SAXO5: variants seen among roughly 807,000 people sequenced by gnomAD.
The protein encoded by SAXO5 is testis expressed 45.
chr19:7,506,038 G>C, the SAXO5 span: 3 of 1,613,656 alleles, frequency 1.9e-6, no homozygotes, highest in Admixed American at 3.3e-5. Context: ...CCCTAGGGGA[G>C]CCAAAGCTAC....
At chr19:7,502,664 C>G in the SAXO5 span, among the ~76,000 whole-genome samples, 1 of 152,116 alleles carries the variant, frequency 6.6e-6, no homozygotes, top group South Asian at 2.1e-4. Flanking sequence ...CAGCTAAGTT[C>G]CCCAGCTGTA....
the SAXO5 span, among the ~76,000 whole-genome samples, chr19:7,503,414 A>G: frequency 6.6e-6 from 1 of 152,020 alleles, no homozygotes; most frequent in South Asian, 2.1e-4. Flanking sequence ...CTGGAAAAAG[A>G]TGCAATGCAC....
chr19:7,501,267 C>A, the SAXO5 span: 7 of 1,570,890 alleles, frequency 4.5e-6, no homozygotes, highest in Non-Finnish European at 6.0e-6. Context: ...CCGCGGCGCG[C>A]GCCTCATCTT....
the SAXO5 span, among the ~76,000 whole-genome samples, chr19:7,499,183 G>A: frequency 6.6e-6 from 1 of 151,828 alleles, no homozygotes; most frequent in Non-Finnish European, 1.5e-5. Flanking sequence ...ATGGTGGCAG[G>A]TACCTGTTAT....
At chr19:7,507,194 TAG>T in the SAXO5 span, 195 of 1,468,194 alleles carry the variant, frequency 1.3e-4, 1 homozygote, top group Non-Finnish European at 1.7e-4. Context: ...CACATTGGTG[TAG>T]AGTTATCTCA....
At chr19:7,506,248 C>CG in the SAXO5 span, 1,612 of 615,246 alleles carry the variant, frequency 2.6e-3, 2 homozygotes, top group Non-Finnish European at 3.4e-3. Context: ...CATGGAGCCC[C>CG]TCCCCATGGA....
the SAXO5 span, chr19:7,507,245 C>T: frequency 2.0e-6 from 2 of 1,017,778 alleles, no homozygotes; most frequent in Non-Finnish European, 1.5e-6. Context: ...AGTTAGTGAT[C>T]ACCCAGGCTC....
chr19:7,504,458 A>G, the SAXO5 span: 1 of 1,508,840 alleles, frequency 6.6e-7, no homozygotes, highest in Non-Finnish European at 9.2e-7. Context: ...CTGTAATCCC[A>G]GCACTTTGGG....
the SAXO5 span, among the ~76,000 whole-genome samples, chr19:7,503,064 G>C: frequency 6.6e-6 from 1 of 152,150 alleles, no homozygotes; most frequent in Non-Finnish European, 1.5e-5. Flanking sequence ...ATGATACCAG[G>C]TCCAAGAAGA....
chr19:7,502,349 A>G, the SAXO5 span, among the ~76,000 whole-genome samples: 2 of 152,150 alleles, frequency 1.3e-5, no homozygotes, highest in African/African-American at 2.4e-5. Context: ...GGCTCAAGCA[A>G]TCCATCTGCC....
At chr19:7,505,410 C>G in the SAXO5 span, 2 of 1,614,212 alleles carry the variant, frequency 1.2e-6, no homozygotes, top group South Asian at 2.2e-5. Context: ...ACCACCAAGG[C>G]CGAGCACTTC....
chr19:7,501,204 G>A, the SAXO5 span: 1 of 1,540,794 alleles, frequency 6.5e-7, no homozygotes, highest in Non-Finnish European at 8.7e-7. Context: ...CCTCTCCAAC[G>A]CGCACGCCGC....
the SAXO5 span, chr19:7,499,683 T>C: frequency 6.6e-6 from 1 of 151,804 alleles, no homozygotes; most frequent in Non-Finnish European, 1.5e-5. Context: ...GGTTAAAACC[T>C]ACCCTTGGCC....
the SAXO5 span, chr19:7,505,520 C>G: frequency 6.2e-7 from 1 of 1,614,212 alleles, no homozygotes; most frequent in Non-Finnish European, 8.5e-7. Context: ...CTGGCAGAGC[C>G]TTTTGTTCTT....
the SAXO5 span, chr19:7,507,238 T>C: frequency 9.2e-7 from 1 of 1,086,612 alleles, no homozygotes; most frequent in Non-Finnish European, 1.4e-6. Flanking sequence ...GTCTCAGAGT[T>C]AGTGATCACC....
At chr19:7,498,180 C>T in the SAXO5 span, among the ~76,000 whole-genome samples, 30,205 of 147,270 alleles carry the variant, frequency 0.21, 3,155 homozygotes, top group South Asian at 0.25. Context: ...TACACACACA[C>T]ACACACACAC....
the SAXO5 span, chr19:7,505,689 T>A: frequency 6.7e-7 from 1 of 1,494,306 alleles, no homozygotes; most frequent in Non-Finnish European, 9.3e-7. Context: ...AAATAGCAGG[T>A]GCAGAAGTCC....
the SAXO5 span, among the ~76,000 whole-genome samples, chr19:7,503,944 T>C: frequency 6.6e-6 from 1 of 152,174 alleles, no homozygotes; most frequent in African/African-American, 2.4e-5. Context: ...TTTAGTATAA[T>C]TTATTTTATT....
At chr19:7,501,637 T>G in the SAXO5 span, among the ~76,000 whole-genome samples, 1 of 147,496 alleles carries the variant, frequency 6.8e-6, no homozygotes, top group African/African-American at 2.5e-5. Context: ...GCCTGGCCAA[T>G]ATGGAGGAAC....
Sources: gnomAD v4.1 joint callset for allele counts (sites outside exome capture counted in the v4.1 genomes callset) on GRCh38, gnomAD v4.1.1 for gene constraint, MANE v1.5 for transcripts, NCBI Gene and HGNC (gene_info 2026-07-23, HGNC 2026-07-21) for gene names.